Variants in ADCY1 observed in about 807,000 individuals in gnomAD.
ADCY1 encodes the protein adenylate cyclase 1.
Under a neutral mutation model 105.4 loss-of-function variants are expected in ADCY1, and 28 were observed. The ratio of observed to expected loss-of-function variants is 0.27; its 90% CI spans 0.20 to 0.36. The LOEUF is 0.36. Among genes scored for constraint, ADCY1 ranks in the 10% least tolerant of loss-of-function variants. The pLI, the probability that ADCY1 is intolerant of heterozygous loss-of-function variation, is 1.00. For synonymous variants in ADCY1, 655 were observed against 623.8 expected, an observed-to-expected ratio of 1.05 and a Z score of -0.75; for missense variants, 977 against 1,434.2, an observed-to-expected ratio of 0.68 and a Z score of 5.15.
chr7:45,641,452 A>C (rs1422182612), intron 4 of ADCY1, among the ~76,000 whole-genome samples: 3 of 152,040 alleles, frequency 2.0e-5, no homozygotes, highest in African/African-American at 7.2e-5. Flanking sequence ...TTTGGTCTCT[A>C]CCCTCTGCCT....
chr7:45,607,268 G>C (rs192346122), intron 2 of ADCY1, among the ~76,000 whole-genome samples: 7 of 152,184 alleles, frequency 4.6e-5, no homozygotes, highest in Admixed American at 2.0e-4. Context: ...TTATGGTGGT[G>C]CGGCAGATGT....
rs1391755476 is a variant in ADCY1 at position 45,574,451 on chromosome 7, G to GCCGC, written c.-82_-79dup. 4 of 160,586 alleles carry GCCGC rather than the reference G, an allele frequency of 2.5e-5. No homozygotes were observed. The highest frequency in any genetic ancestry group is 7.2e-5 in the Admixed American group (1 of 13,948). The allele number at this position is 160,586 out of a possible 1,614,324, so 9.9% of individuals were successfully genotyped here. A position where few individuals can be genotyped will look rare whatever the true frequency, so the allele number is the denominator to read the frequency against. On this transcript the variant is annotated 5_prime_UTR_variant, in exon 1 of 20. Coordinates refer to ENST00000297323, the MANE Select transcript of ADCY1 (RefSeq NM_021116.4). The surrounding 1 kb of genome is among the most constrained non-coding windows in gnomAD (Gnocchi z 7.0). ...CCCGCGCCCCGGCGCCTCGCCGCCC[G>GCCGC]CCGCCCGCCCGCCCCGGCGCCGCCG...
chr7:45,701,506 T>C (rs986479317), intron 14 of ADCY1, among the ~76,000 whole-genome samples: 78 of 152,300 alleles, frequency 5.1e-4, no homozygotes, highest in African/African-American at 1.8e-3. Flanking sequence ...ACATTAACAA[T>C]GGTATTTTGG....
intron 2 of ADCY1, among the ~76,000 whole-genome samples, chr7:45,609,796 AC>A (rs1793481576): frequency 6.6e-6 from 1 of 151,828 alleles, no homozygotes; most frequent in South Asian, 2.1e-4. Flanking sequence ...AGGGGAAAGG[AC>A]TCTCCAGGAT....
In ADCY1 at chr7:45,703,969, G is replaced by A. The variant is rs1785055252; in HGVS notation, c.2718+223G>A. 6.6e-6 allele frequency among the ~76,000 whole-genome samples: 1 copy of A among 152,214 alleles called. No homozygotes were observed. The highest frequency in any genetic ancestry group is 2.4e-5 in the African/African-American group (1 of 41,452). On this transcript the variant is annotated intron_variant, in intron 16 of 19. Transcript: ENST00000297323. This position sits in a 1 kb window ranked among gnomAD's most constrained non-coding sequence, Gnocchi z 5.9. Reference sequence around the variant, plus strand: ...TTGGGGGACCAGGGCCACTGGGTGGGGCTGGGTGTTTGTTGTCCATGTTGT... The same window carrying A: ...TTGGGGGACCAGGGCCACTGGGTGGAGCTGGGTGTTTGTTGTCCATGTTGT...
rs73102687 is a variant in ADCY1, at chr7:45,720,124, C to T, written c.*6129C>T. The stretch of plus-strand genomic sequence containing the variant: ...TTCCCAGCTGAGTGTCTGTCAGCTT[C>T]ATTCTCTCTCAGCTGTGCAGTGGAA... On this transcript the variant is annotated 3_prime_UTR_variant, in exon 20 of 20. Coordinates refer to ENST00000297323, the MANE Select transcript of ADCY1 (RefSeq NM_021116.4). 2,411 of 152,236 alleles carry T rather than the reference C, an allele frequency of 0.016. 28 individuals carry two copies. The highest frequency in any genetic ancestry group is 0.025 in the Non-Finnish European group (1,700 of 68,040). The allele number at this position is 152,236 out of a possible 1,614,324, so 9.4% of individuals were successfully genotyped here.
intron 2 of ADCY1, 125 bp from the exon 3 acceptor site, chr7:45,610,254 G>T: frequency 1.3e-6 from 1 of 781,478 alleles, no homozygotes; most frequent in Non-Finnish European, 2.1e-6. Context: ...TTCAGTGGCA[G>T]TCCAGCCCTG....
At chr7:45,666,730 T>A (rs1366971638) in intron 8 of ADCY1, among the ~76,000 whole-genome samples, 1 of 152,214 alleles carries the variant, frequency 6.6e-6, no homozygotes, top group Non-Finnish European at 1.5e-5. Context: ...TTGAACCAGT[T>A]TACAGTCCCA....
At chr7:45,653,690 C>G (rs959780857) in intron 5 of ADCY1, among the ~76,000 whole-genome samples, 1 of 152,200 alleles carries the variant, frequency 6.6e-6, no homozygotes, top group African/African-American at 2.4e-5. Flanking sequence ...TCCCTCTCCC[C>G]CACTGGGGCT....
intron 4 of ADCY1, among the ~76,000 whole-genome samples, chr7:45,623,205 C>G (rs1435189649): frequency 6.6e-6 from 1 of 152,232 alleles, no homozygotes; most frequent in African/African-American, 2.4e-5. Context: ...CTCCTGATGC[C>G]TGGTGCAGGC....
Position 45,648,633 on chromosome 7 carries a change from C to T in ADCY1, c.1021-37C>T, listed in dbSNP as rs371662831. ...GCAGTGGCGCTCACAGCCTCTGTAG[C>T]GCTGTCTCTTACCATGTGCCTTGCC... On this transcript the variant is annotated intron_variant, in intron 4 of 19. Transcript: ENST00000297323. 7.2e-5 allele frequency: 116 copies of T among 1,613,186 alleles called. 2 individuals are homozygous for T. The highest frequency in any genetic ancestry group is 4.0e-4 in the East Asian group (18 of 44,868).
At chr7:45,580,410 C>G (rs1436976328) in intron 1 of ADCY1, among the ~76,000 whole-genome samples, 2 of 152,226 alleles carry the variant, frequency 1.3e-5, no homozygotes, top group Admixed American at 1.3e-4. Flanking sequence ...CCCTGCCTCT[C>G]TGCTCTGGTT....
At chr7:45,604,918 T>G (rs1456534978) in intron 2 of ADCY1, among the ~76,000 whole-genome samples, 1 of 152,208 alleles carries the variant, frequency 6.6e-6, no homozygotes, top group Non-Finnish European at 1.5e-5. Flanking sequence ...TGGAGAGGGT[T>G]GACATCTTTA....
chr7:45,717,655 G>A lies in ADCY1; in HGVS notation c.*3660G>A, dbSNP rs1346996110. 4 of 152,148 alleles carry A rather than the reference G, an allele frequency of 2.6e-5. No individual in the cohort carries two copies. The highest frequency in any genetic ancestry group is 1.3e-4 in the Admixed American group (2 of 15,280). 9.4% of individuals were successfully genotyped at this position (152,148 alleles called of 1,614,324 possible). On this transcript the variant is annotated 3_prime_UTR_variant, in exon 20 of 20. Transcript: ENST00000297323. ...AAATGACCCTGTGTGCTCCCCTCGC[G>A]ACCCTTGCATGCCTTTCATGCCTGA...
chr7:45,599,828 G>T (rs1793178075), intron 2 of ADCY1, among the ~76,000 whole-genome samples: 1 of 152,188 alleles, frequency 6.6e-6, no homozygotes, highest in South Asian at 2.1e-4. Flanking sequence ...GTTTCACCAT[G>T]TTGGTCAGGC....
chr7:45,689,892 A>G (rs767045291), intron 14 of ADCY1, among the ~76,000 whole-genome samples: 3 of 152,248 alleles, frequency 2.0e-5, no homozygotes, highest in Non-Finnish European at 4.4e-5. Context: ...GACGAGGAAC[A>G]TGGCAGAAAG....
At chr7:45,633,207 A>T (rs1284024937) in intron 4 of ADCY1, among the ~76,000 whole-genome samples, 1 of 152,216 alleles carries the variant, frequency 6.6e-6, no homozygotes, top group African/African-American at 2.4e-5. Context: ...CGTAAGTCAC[A>T]GCACCCGGCC....
At chr7:45,583,884 C>T (rs1181017750) in intron 1 of ADCY1, among the ~76,000 whole-genome samples, 1 of 150,988 alleles carries the variant, frequency 6.6e-6, no homozygotes, top group Non-Finnish European at 1.5e-5. Context: ...AGGTGATCCA[C>T]CTGCCTTGGC....
At chr7:45,659,953 G>C in intron 6 of ADCY1, 89 bp from the exon 7 acceptor site, 2 of 1,527,092 alleles carry the variant, frequency 1.3e-6, no homozygotes, top group Non-Finnish European at 9.0e-7. Context: ...GGAAGCCTCT[G>C]TCTGTGCCCC....
Sources: allele counts gnomAD v4.1 joint callset (sites outside exome capture counted in the v4.1 genomes callset), GRCh38; gene constraint gnomAD v4.1.1; non-coding constraint Gnocchi (gnomAD v3.1); transcripts MANE v1.5; gene names NCBI Gene and HGNC (gene_info 2026-07-23, HGNC 2026-07-21).